The following GPX3 variants were observed in gnomAD, a reference collection of about 807,000 sequenced individuals.
GPX3 encodes GPx-3.
In GPX3, 22 loss-of-function variants were observed where a neutral mutation model predicts 25.1. The ratio of observed to expected loss-of-function variants is 0.88; its 90% CI spans 0.63 to 1.25. GPX3 has a LOEUF of 1.25. Ranked by LOEUF, GPX3 falls within the 50% of genes most tolerant of loss-of-function variation. GPX3 has a pLI of 0.00. For missense variants in GPX3, 278 were observed against 286.6 expected (o/e 0.97, Z 0.22); for synonymous variants, 110 against 114.5 (o/e 0.96, Z 0.25).
At position 151,027,469 on chromosome 5, in the gene GPX3, C is replaced by T; in HGVS notation, c.397C>T (p.Gln133Ter). 6.2e-7 allele frequency: 1 copy of T among 1,613,962 alleles called. No homozygotes were observed. The highest frequency in any genetic ancestry group is 1.1e-5 in the South Asian group (1 of 91,076). ...RPGGGFVPNF[Q>*]LFEKGDVNGE... ...AGGTGGAGGCTTTGTCCCTAATTTC[C>T]AGCTCTTTGAGAAAGGGGATGTCAA... Residue 133 changes from glutamine to a stop codon, truncating the protein, a stop_gained, in exon 4 of 5, where the codon CAG becomes TAG. Coordinates refer to ENST00000388825, the MANE Select transcript of GPX3 (RefSeq NM_002084.5). LOFTEE classifies it high-confidence loss of function.
In GPX3 at chr5:151,026,946, T is replaced by G; in HGVS notation, c.288T>G (p.Ile96Met). The G allele has an allele frequency of 3.1e-6, 5 of 1,614,146 alleles. No homozygotes were observed. Among genetic ancestry groups the G allele is most frequent in the Non-Finnish European group, 4.2e-6 (5 of 1,179,996 alleles). The change falls in exon 3 of 5, where the codon ATT becomes ATG. Residue 96 changes from isoleucine to methionine, a missense_variant. Transcript: ENST00000388825. The part of the protein sequence containing the change: ...QEELAPFGLV[I>M]LGFPCNQFGK... ...AGCTTGCACCATTCGGTCTGGTCAT[T>G]CTGGGCTTTCCCTGCAACCAATTTG...
At chr5:151,023,211 A>G (rs895666870) in intron 1 of GPX3, among the ~76,000 whole-genome samples, 1 of 152,116 alleles carries the variant, frequency 6.6e-6, no homozygotes, top group African/African-American at 2.4e-5. Flanking sequence ...CCACGTGCCC[A>G]GAGAAGGGAA....
rs779157665 is a variant in GPX3, at chr5:151,027,949, A to G, written c.500A>G (p.Asp167Gly). 6.2e-7 allele frequency: 1 copy of G among 1,614,074 alleles called. No individual in the cohort carries two copies. The highest frequency in any genetic ancestry group is 8.5e-7 in the Non-Finnish European group (1 of 1,179,982). Residue 167 changes from aspartate to glycine, a missense_variant, in exon 5 of 5, where the codon GAC becomes GGC. By Grantham distance (94) the Asp-to-Gly change is moderately conservative. Coordinates refer to ENST00000388825, the MANE Select transcript of GPX3 (RefSeq NM_002084.5). ...ACCTCGGAGCTCCTGGGTACATCTGACCGCCTCTTCTGGGAACCCATGAAG... is the reference window on the plus strand; with the variant it reads ...ACCTCGGAGCTCCTGGGTACATCTGGCCGCCTCTTCTGGGAACCCATGAAG... ...PPTSELLGTSDRLFWEPMKVH... is the reference protein window; with the variant it reads ...PPTSELLGTSGRLFWEPMKVH...
At chr5:151,024,972 G>C (rs1468858064) in intron 1 of GPX3, among the ~76,000 whole-genome samples, 1 of 152,160 alleles carries the variant, frequency 6.6e-6, no homozygotes. Context: ...CAGTCTCCCT[G>C]AGAGCCCAGT....
intron 3 of GPX3, 104 bp downstream of exon 3, chr5:151,027,121 C>A: frequency 1.3e-6 from 1 of 784,348 alleles, no homozygotes; most frequent in Non-Finnish European, 2.2e-6. Flanking sequence ...AAGAACTACT[C>A]TCCTCTTCTA....
At chr5:151,025,623 A>G in intron 2 of GPX3, 130 bp downstream of exon 2, 2 of 753,404 alleles carry the variant, frequency 2.7e-6, no homozygotes, top group Non-Finnish European at 4.1e-6. Context: ...TCTCAGCTCC[A>G]CTGTGTTCCG....
rs1756486193 is a variant in GPX3 at position 151,022,167 on chromosome 5, A to G, written c.87+1426A>G. Reference sequence around the variant, plus strand: ...GTCAGGAATGGGATCGATTTTCAACATTGAGGTTTGGGGTGGGCCATAGAC... The same window carrying G: ...GTCAGGAATGGGATCGATTTTCAACGTTGAGGTTTGGGGTGGGCCATAGAC... On this transcript the variant is annotated intron_variant, in intron 1 of 4. Transcript: ENST00000388825. 2.0e-5 allele frequency among the ~76,000 whole-genome samples: 3 copies of G among 152,106 alleles called. No individual in the cohort carries two copies. The South Asian group carries it at 6.2e-4, about 32-fold the overall frequency.
chr5:151,027,506 A>G lies in GPX3; in HGVS notation c.434A>G (p.Glu145Gly), dbSNP rs2113149182. The change falls in exon 4 of 5, where the codon GAG (glutamate) becomes GGG (glycine). Residue 145 changes from glutamate (E) to glycine (G), a missense_variant. Glu to Gly is a moderately conservative substitution (Grantham distance 98, BLOSUM62 -2). Transcript: ENST00000388825. ...AAAGGGGATGTCAATGGAGAGAAAG[A>G]GCAGAAATTCTACACTTTCCTAAAG... ...FEKGDVNGEK[E>G]QKFYTFLKNS... The G allele has an allele frequency of 6.2e-7, 1 of 1,612,100 alleles. No individual in the cohort carries two copies. Among genetic ancestry groups the G allele is most frequent in the Non-Finnish European group, 8.5e-7 (1 of 1,178,136 alleles).
Position 151,026,929 on chromosome 5 carries a change from C to T in GPX3, c.271C>T (p.Pro91Ser). Reference sequence around the variant, plus strand: ...GAATGCACTACAGGAAGAGCTTGCACCATTCGGTCTGGTCATTCTGGGCTT... The same window carrying T: ...GAATGCACTACAGGAAGAGCTTGCATCATTCGGTCTGGTCATTCTGGGCTT... ...ELNALQEELA[P>S]FGLVILGFPC... The change falls in exon 3 of 5, where the codon CCA (proline) becomes TCA (serine). Residue 91 changes from proline to serine, a missense_variant. Coordinates refer to ENST00000388825, the MANE Select transcript of GPX3 (RefSeq NM_002084.5). 2 of 1,614,076 alleles carry T rather than the reference C, an allele frequency of 1.2e-6. No individual in the cohort carries two copies. The highest frequency in any genetic ancestry group is 1.7e-6 in the Non-Finnish European group (2 of 1,179,938).
At chr5:151,020,822 TC>T in intron 1 of GPX3, 81 bp downstream of exon 1, 1 of 1,279,628 alleles carries the variant, frequency 7.8e-7, no homozygotes, top group Non-Finnish European at 1.1e-6. Flanking sequence ...GCACCCCTTT[TC>T]CCAGGCTCCC....
chr5:151,028,121 G>A lies in GPX3; in HGVS notation c.672G>A (p.Lys224=). 3 of 1,570,248 alleles carry A rather than the reference G, an allele frequency of 1.9e-6. No individual in the cohort carries two copies. Among genetic ancestry groups the A allele is most frequent in the Non-Finnish European group, 2.6e-6 (3 of 1,156,874 alleles). The change falls in exon 5 of 5, where the codon AAG becomes AAA. Residue 224 remains lysine (K), a synonymous_variant. Coordinates refer to ENST00000388825, the MANE Select transcript of GPX3 (RefSeq NM_002084.5). ...GGCGGCAGGCAGCCCTGGGGGTCAA[G>A]AGGAAGTAACTGAAGGCCGTCTCAT... ...YMRRQAALGV[K]RK is the part of the protein sequence containing the mutation.
chr5:151,026,541 C>T (rs370296869), intron 2 of GPX3: 14 of 194,390 alleles, frequency 7.2e-5, no homozygotes, highest in East Asian at 2.5e-4. Context: ...AAGAAGTTCT[C>T]TGCCTTGTAT....
intron 1 of GPX3, chr5:151,021,172 A>G (rs1756470692): frequency 8.3e-6 from 2 of 240,582 alleles, no homozygotes; most frequent in South Asian, 8.2e-5. Flanking sequence ...GAGAGAGACA[A>G]GGAGAAAGGA....
rs754063629 is a variant in GPX3, at chr5:151,027,003, C to G, written c.345C>G (p.Ile115Met). The G allele has an allele frequency of 6.2e-7, 1 of 1,610,934 alleles. No homozygotes were observed. The highest frequency in any genetic ancestry group is 8.5e-7 in the Non-Finnish European group (1 of 1,177,146). ...AGGAACCAGGAGAGAACTCAGAGATCCTTCCTACCCTCAAGTGAGTACTCA... is the reference window on the plus strand; with the variant it reads ...AGGAACCAGGAGAGAACTCAGAGATGCTTCCTACCCTCAAGTGAGTACTCA... ...GKQEPGENSE[I>M]LPTLKYVRPG... Residue 115 changes from isoleucine (I) to methionine (M), a missense_variant, in exon 3 of 5, where the codon ATC (isoleucine) becomes ATG (methionine). Coordinates refer to ENST00000388825, the MANE Select transcript of GPX3 (RefSeq NM_002084.5).
intron 4 of GPX3, 61 bp downstream of exon 4, chr5:151,027,592 C>T (rs921170460): frequency 1.0e-5 from 11 of 1,082,964 alleles, no homozygotes; most frequent in Admixed American, 1.9e-5. Context: ...CAGCCCACAG[C>T]GTCAGGGCCC....
rs536247084 is a variant in GPX3, at chr5:151,025,757, G to A, written c.241+264G>A. ...ACAACCCTAAAGGCAGAGGGATAGA[G>A]ATTAGGTTTGTGCTTAGAGCTCCCT... On this transcript the variant is annotated intron_variant, in intron 2 of 4. Coordinates refer to ENST00000388825, the MANE Select transcript of GPX3 (RefSeq NM_002084.5). Among the ~76,000 whole-genome samples the A allele has an allele frequency of 1.1e-4, 16 of 152,350 alleles. 1 individual carries two copies. Among genetic ancestry groups the A allele is most frequent in the African/African-American group, 3.8e-4 (16 of 41,588 alleles).
At chr5:151,020,770 G>C (rs755883598) in intron 1 of GPX3, 29 bp downstream of exon 1, 3 of 1,597,090 alleles carry the variant, frequency 1.9e-6, no homozygotes, top group Non-Finnish European at 2.6e-6. Flanking sequence ...CGGGGGCCGG[G>C]AGAAAAAACC....
At position 151,028,093 on chromosome 5, in the gene GPX3, T is replaced by C; in HGVS notation, c.644T>C (p.Met215Thr). The C allele has an allele frequency of 6.3e-7, 1 of 1,599,674 alleles. No homozygotes were observed. The highest frequency in any genetic ancestry group is 8.5e-7 in the Non-Finnish European group (1 of 1,172,666). The stretch of plus-strand genomic sequence containing the variant: ...GTCAAGATGGACATCCTGTCCTACA[T>C]GAGGCGGCAGGCAGCCCTGGGGGTC... Reference protein sequence around the residue: ...SNVKMDILSYMRRQAALGVKR... With the variant: ...SNVKMDILSYTRRQAALGVKR... The change falls in exon 5 of 5, where the codon ATG (methionine) becomes ACG (threonine). Residue 215 changes from methionine (M) to threonine (T), a missense_variant. Met to Thr is a moderately conservative substitution (Grantham distance 81, BLOSUM62 -1). Transcript: ENST00000388825.
intron 1 of GPX3, among the ~76,000 whole-genome samples, chr5:151,024,576 C>A (rs1165236402): frequency 6.6e-6 from 1 of 152,238 alleles, no homozygotes; most frequent in Non-Finnish European, 1.5e-5. Context: ...CAGTCCACTG[C>A]ACTCTGTCCC....
Sources: allele counts gnomAD v4.1 joint callset (sites outside exome capture counted in the v4.1 genomes callset), GRCh38; gene constraint gnomAD v4.1.1; transcripts MANE v1.5; gene names NCBI Gene and HGNC (gene_info 2026-07-23, HGNC 2026-07-21).